Variants in TMEM117 observed in about 807,000 individuals in gnomAD.
TMEM117 encodes transmembrane protein 117.
Under a neutral mutation model 52.4 loss-of-function variants are expected in TMEM117, and 27 were observed. That is an observed-to-expected ratio of 0.51 (90% CI 0.38 to 0.71). The LOEUF (loss-of-function observed/expected upper bound fraction) is 0.71, where lower values mean the gene tolerates loss of function less well. Among genes scored for constraint, TMEM117 ranks in the 30% least tolerant of loss-of-function variants. TMEM117 has a pLI of 0.00. For synonymous variants in TMEM117, 215 were observed against 206.3 expected, an observed-to-expected ratio of 1.04 and a Z score of -0.36; for missense variants, 556 against 630.5, an observed-to-expected ratio of 0.88 and a Z score of 1.26.
chr12:44,302,787 A>G (rs1950857377), intron 6 of TMEM117, among the ~76,000 whole-genome samples: 1 of 152,342 alleles, frequency 6.6e-6, no homozygotes, highest in South Asian at 2.1e-4. Context: ...TAATTTAAGG[A>G]AACAGAGCCC....
intron 2 of TMEM117, among the ~76,000 whole-genome samples, chr12:43,929,304 T>G (rs1944834156): frequency 6.6e-6 from 1 of 152,176 alleles, no homozygotes; most frequent in South Asian, 2.1e-4. Flanking sequence ...ATTTTTAATA[T>G]TTTATTATTA....
intron 4 of TMEM117, among the ~76,000 whole-genome samples, chr12:44,148,252 A>G (rs1948673270): frequency 6.6e-6 from 1 of 152,188 alleles, no homozygotes; most frequent in Non-Finnish European, 1.5e-5. Flanking sequence ...ATTATGTGTG[A>G]TTTTTAATGG....
chr12:44,189,432 G>T (rs1263911962), intron 4 of TMEM117, among the ~76,000 whole-genome samples: 2 of 152,136 alleles, frequency 1.3e-5, no homozygotes, highest in Admixed American at 6.6e-5. Flanking sequence ...GATGCTAAAA[G>T]AATGTTAGAT....
At chr12:43,810,724 T>G in the TMEM117 span, among the ~76,000 whole-genome samples, 1 of 152,234 alleles carries the variant, frequency 6.6e-6, no homozygotes, top group Non-Finnish European at 1.5e-5. Context: ...ACTTCCAGCC[T>G]AAACTACTCT....
intron 3 of TMEM117, among the ~76,000 whole-genome samples, chr12:44,024,252 T>C (rs1175359349): frequency 6.6e-6 from 1 of 152,170 alleles, no homozygotes; most frequent in Non-Finnish European, 1.5e-5. Flanking sequence ...TCAGTTGATA[T>C]ATCTACTTAG....
chr12:44,238,181 A>G (rs1264492488), intron 5 of TMEM117, among the ~76,000 whole-genome samples: 1 of 152,218 alleles, frequency 6.6e-6, no homozygotes, highest in East Asian at 1.9e-4. Context: ...AAACAACAAA[A>G]CATTTATTAG....
intron 2 of TMEM117, among the ~76,000 whole-genome samples, chr12:43,894,130 A>G (rs974633337): frequency 6.6e-6 from 1 of 152,234 alleles, no homozygotes; most frequent in Non-Finnish European, 1.5e-5. Flanking sequence ...CAAGAGTGGA[A>G]AGAAAGTCTC....
At position 44,152,500 on chromosome 12, in the gene TMEM117, A is replaced by ATTATATCATATATAAATTTATATATATAT. The variant is rs1286768073; in HGVS notation, c.510+8889_510+8917dup. Among the ~76,000 whole-genome samples, 7 of 111,028 alleles carry ATTATATCATATATAAATTTATATATATAT rather than the reference A, an allele frequency of 6.3e-5. No homozygotes were observed. The East Asian group carries it at 1.4e-3, about 22-fold the overall frequency. 72.8% of individuals were successfully genotyped at this position (111,028 alleles called of 152,430 possible). On this transcript the variant is annotated intron_variant, in intron 4 of 7. Transcript: ENST00000266534. ...TCATATATAAATTTTTATATATATA[A>ATTATATCATATATAAATTTATATATATAT]TTATATCATATATAAATTTATATAT...
At chr12:44,048,259 C>A (rs1946911228) in intron 3 of TMEM117, among the ~76,000 whole-genome samples, 1 of 151,966 alleles carries the variant, frequency 6.6e-6, no homozygotes, top group South Asian at 2.1e-4. Context: ...ATTCATCTTG[C>A]CAAGGGATTA....
the TMEM117 span, among the ~76,000 whole-genome samples, chr12:43,825,056 C>T: frequency 6.6e-6 from 1 of 152,246 alleles, no homozygotes; most frequent in African/African-American, 2.4e-5. Flanking sequence ...TGTTCGGCAA[C>T]TGTATGCCAT....
chr12:43,929,176 T>C (rs1375483827), intron 2 of TMEM117, among the ~76,000 whole-genome samples: 1 of 152,208 alleles, frequency 6.6e-6, no homozygotes, highest in East Asian at 1.9e-4. Context: ...CCACACTGAT[T>C]TCCACAATGG....
intron 4 of TMEM117, among the ~76,000 whole-genome samples, chr12:44,151,412 G>C (rs1350414365): frequency 6.6e-6 from 1 of 150,398 alleles, no homozygotes; most frequent in Non-Finnish European, 1.5e-5. Context: ...ACAACGTGCA[G>C]GTTTGTTACA....
intron 3 of TMEM117, among the ~76,000 whole-genome samples, chr12:43,945,570 G>A (rs903359203): frequency 3.3e-5 from 5 of 152,116 alleles, no homozygotes; most frequent in Admixed American, 1.3e-4. Context: ...TGATCCACCC[G>A]CTTTGGCCTC....
chr12:44,145,431 G>A (rs186447890), intron 4 of TMEM117, among the ~76,000 whole-genome samples: 3 of 152,116 alleles, frequency 2.0e-5, no homozygotes, highest in Admixed American at 6.5e-5. Context: ...AACAGTTCTC[G>A]GAGGCTCAGT....
At chr12:44,157,831 AAAG>A (rs1322052137) in intron 4 of TMEM117, among the ~76,000 whole-genome samples, 2 of 152,156 alleles carry the variant, frequency 1.3e-5, no homozygotes, top group Non-Finnish European at 2.9e-5. Flanking sequence ...AAGTGACTAA[AAAG>A]AAGTATTGAG....
chr12:43,837,274 A>G (rs1356433680), intron 1 of TMEM117, among the ~76,000 whole-genome samples: 1 of 152,182 alleles, frequency 6.6e-6, no homozygotes, highest in African/African-American at 2.4e-5. Context: ...AATTCTATTT[A>G]ATTCATTAAA....
chr12:44,203,917 A>G (rs1370115639), intron 4 of TMEM117, among the ~76,000 whole-genome samples: 1 of 152,194 alleles, frequency 6.6e-6, no homozygotes, highest in Admixed American at 6.5e-5. Flanking sequence ...AGAATAATGT[A>G]TATTCTGTAA....
chr12:43,938,285 A>G (rs1459112732), intron 2 of TMEM117, among the ~76,000 whole-genome samples: 1 of 148,048 alleles, frequency 6.8e-6, no homozygotes, highest in Admixed American at 6.8e-5. Flanking sequence ...TATATTTAAT[A>G]TATATATTAG....
At chr12:43,812,075 A>T in the TMEM117 span, among the ~76,000 whole-genome samples, 1 of 152,136 alleles carries the variant, frequency 6.6e-6, no homozygotes, top group African/African-American at 2.4e-5. Context: ...AGTATTCACC[A>T]TCTGCAAAAA....
Sources: gnomAD v4.1 joint callset for allele counts (sites outside exome capture counted in the v4.1 genomes callset) on GRCh38, gnomAD v4.1.1 for gene constraint, MANE v1.5 for transcripts, NCBI Gene and HGNC (gene_info 2026-07-23, HGNC 2026-07-21) for gene names.